JMJD1C: variants seen among roughly 807,000 people sequenced by gnomAD.
The protein encoded by JMJD1C is jumonji domain containing 1C.
Under a neutral mutation model 245.3 loss-of-function variants are expected in JMJD1C, and 31 were observed. The ratio of observed to expected loss-of-function variants is 0.13; its 90% CI spans 0.09 to 0.17. JMJD1C has a LOEUF of 0.17. JMJD1C is among the 10% of genes least tolerant of loss of function. The pLI, the probability that JMJD1C is intolerant of heterozygous loss-of-function variation, is 1.00. For missense variants in JMJD1C, 2,691 were observed against 3,000.2 expected, an observed-to-expected ratio of 0.90 and a Z score of 2.41; for synonymous variants, 1,057 against 1,017.4, an observed-to-expected ratio of 1.04 and a Z score of -0.74.
chr10:63,446,806 T>C (rs1040010626), intron 1 of JMJD1C, among the ~76,000 whole-genome samples: 9 of 152,164 alleles, frequency 5.9e-5, no homozygotes, highest in Non-Finnish European at 1.3e-4. Flanking sequence ...CTTGGAGTAA[T>C]GGGGGCAAAA....
intron 1 of JMJD1C, among the ~76,000 whole-genome samples, chr10:63,515,966 A>G (rs1177043713): frequency 6.6e-6 from 1 of 152,174 alleles, no homozygotes; most frequent in African/African-American, 2.4e-5. Flanking sequence ...ACTCAAATCT[A>G]TGATTATGGT....
chr10:63,509,691 C>T (rs939760515), intron 1 of JMJD1C, among the ~76,000 whole-genome samples: 2 of 152,178 alleles, frequency 1.3e-5, no homozygotes, highest in Non-Finnish European at 2.9e-5. Flanking sequence ...AATTCATAAG[C>T]ACAGGGTCAG....
chr10:63,194,527 T>C (rs1845221867), intron 13 of JMJD1C, 152 bp from the exon 14 acceptor site: 1 of 550,196 alleles, frequency 1.8e-6, no homozygotes, highest in Non-Finnish European at 3.2e-6. Flanking sequence ...TGAAATAAAA[T>C]GTCAATGATA....
chr10:63,200,611 G>C lies in JMJD1C; in HGVS notation c.5141C>G (p.Ser1714Cys). ...ACAGCAGGAGTCATCCTGTAAAAAG[G>C]ATTCCCCAGTTTGCTTCAGCTTCTT... ...KVKKLKQTGE[S>C]FLQDDSCCEI... The change falls in exon 11 of 26, where the codon TCC becomes TGC. Residue 1714 changes from serine to cysteine, a missense_variant. Physicochemically the swap from Ser to Cys is moderately radical, Grantham distance 112. Coordinates refer to ENST00000399262, the MANE Select transcript of JMJD1C (RefSeq NM_032776.3). The C allele has an allele frequency of 6.2e-7, 1 of 1,613,998 alleles. No individual in the cohort carries two copies.
intron 1 of JMJD1C, among the ~76,000 whole-genome samples, chr10:63,453,341 T>A (rs916062514): frequency 4.6e-5 from 7 of 152,116 alleles, no homozygotes; most frequent in South Asian, 2.1e-4. Context: ...ATAAGAAAAA[T>A]TTTTTAAAGA....
At chr10:63,183,055 T>A (rs1268337314) in intron 22 of JMJD1C, among the ~76,000 whole-genome samples, 1 of 152,116 alleles carries the variant, frequency 6.6e-6, no homozygotes, top group African/African-American at 2.4e-5. Context: ...GAGACAGGGT[T>A]ATAGCATGTT....
chr10:63,501,962 C>T (rs1047369423), intron 1 of JMJD1C, among the ~76,000 whole-genome samples: 6 of 152,038 alleles, frequency 3.9e-5, no homozygotes, highest in Middle Eastern at 3.2e-3. Flanking sequence ...ATTTAAAATA[C>T]GGCCAAATTT....
At chr10:63,464,806 A>C (rs943076306) in intron 1 of JMJD1C, among the ~76,000 whole-genome samples, 2 of 152,242 alleles carry the variant, frequency 1.3e-5, no homozygotes, top group Admixed American at 6.5e-5. Context: ...TTGACTCCAA[A>C]GAACTATACC....
chr10:63,295,954 C>T (rs79705076), intron 2 of JMJD1C, among the ~76,000 whole-genome samples: 1 of 28,446 alleles, frequency 3.5e-5, no homozygotes, highest in Non-Finnish European at 9.3e-5. Context: ...TATATATACA[C>T]GTATATGTGT....
chr10:63,237,230 G>A (rs1400452469), intron 3 of JMJD1C, among the ~76,000 whole-genome samples: 1 of 152,072 alleles, frequency 6.6e-6, no homozygotes, highest in Admixed American at 6.6e-5. Context: ...TAGAGACAGG[G>A]TTTCACCATG....
At chr10:63,287,388 T>C (rs1858115058) in intron 2 of JMJD1C, among the ~76,000 whole-genome samples, 2 of 152,206 alleles carry the variant, frequency 1.3e-5, no homozygotes, top group African/African-American at 2.4e-5. Flanking sequence ...CCAGTCTCAA[T>C]ACATTGATAT....
chr10:63,197,369 A>C, intron 13 of JMJD1C, 42 bp downstream of exon 13: 2 of 1,533,356 alleles, frequency 1.3e-6, no homozygotes, highest in Non-Finnish European at 1.8e-6. Flanking sequence ...TCCTAAAGAA[A>C]AATTATAAAA....
chr10:63,230,269 G>A (rs1319485755), intron 3 of JMJD1C, among the ~76,000 whole-genome samples: 1 of 152,152 alleles, frequency 6.6e-6, no homozygotes, highest in Non-Finnish European at 1.5e-5. Flanking sequence ...CTACTCAGGA[G>A]GCTGAGGCAG....
chr10:63,183,874 A>C (rs1843775287), intron 21 of JMJD1C, among the ~76,000 whole-genome samples: 1 of 152,218 alleles, frequency 6.6e-6, no homozygotes, highest in African/African-American at 2.4e-5. Context: ...AAGGGTTTCG[A>C]TGGATTAAAG....
At chr10:63,375,752 G>A (rs1436653304) in intron 2 of JMJD1C, among the ~76,000 whole-genome samples, 1 of 151,696 alleles carries the variant, frequency 6.6e-6, no homozygotes, top group Admixed American at 6.6e-5. Context: ...AAGGGGGCTC[G>A]CTGCATTGTT....
chr10:63,196,969 T>C (rs1039126275), intron 13 of JMJD1C, among the ~76,000 whole-genome samples: 8 of 151,482 alleles, frequency 5.3e-5, no homozygotes, highest in African/African-American at 2.0e-4. Context: ...GCTCATTTTT[T>C]GTATTTTTTT....
rs1159638591 is a variant in JMJD1C, at chr10:63,504,913, C to T, written n.113+16825G>A. 5.9e-5 allele frequency among the ~76,000 whole-genome samples: 9 copies of T among 151,890 alleles called. No individual in the cohort carries two copies. The East Asian group carries it at 1.4e-3, about 23-fold the overall frequency. On this transcript the variant is annotated intron_variant and non_coding_transcript_variant, in intron 1 of 3. Coordinates refer to the JMJD1C transcript ENST00000633035. ...GCACAAGCCTGCAGTCCCAGCTACT[C>T]GGGAGGCTGAGACAGGATCAACTGA...
At chr10:63,446,035 C>T (rs1951701308) in intron 1 of JMJD1C, among the ~76,000 whole-genome samples, 1 of 151,692 alleles carries the variant, frequency 6.6e-6, no homozygotes. Flanking sequence ...GCCACCACGC[C>T]TAGCTAATTT....
At chr10:63,289,006 C>T (rs1413896273) in intron 2 of JMJD1C, among the ~76,000 whole-genome samples, 1 of 151,336 alleles carries the variant, frequency 6.6e-6, no homozygotes, top group Non-Finnish European at 1.5e-5. Context: ...TTTACGTTTG[C>T]TTTCTCATTC....
Sources: allele counts gnomAD v4.1 joint callset (sites outside exome capture counted in the v4.1 genomes callset), GRCh38; gene constraint gnomAD v4.1.1; transcripts MANE v1.5; gene names NCBI Gene and HGNC (gene_info 2026-07-23, HGNC 2026-07-21).